The following RUNX2 variants were observed in gnomAD, a reference collection of about 807,000 sequenced individuals.
The protein encoded by RUNX2 is RUNX family transcription factor 2.
A neutral mutation model predicts 51.7 loss-of-function variants in RUNX2; 10 were observed. The ratio of observed to expected loss-of-function variants is 0.19; its 90% CI spans 0.12 to 0.33. RUNX2 has a LOEUF of 0.33. Among genes scored for constraint, RUNX2 ranks in the 10% least tolerant of loss-of-function variants. RUNX2 has a pLI of 1.00. For missense variants in RUNX2, 562 were observed against 691.3 expected (o/e 0.81, Z 2.10); for synonymous variants, 276 against 273.6 (o/e 1.01, Z -0.09).
intron 5 of RUNX2, among the ~76,000 whole-genome samples, chr6:45,472,634 G>A (rs1461563480): frequency 2.0e-5 from 3 of 152,198 alleles, no homozygotes; most frequent in Non-Finnish European, 4.4e-5. Flanking sequence ...TTAATACTGT[G>A]CTGGCTTGTA....
chr6:45,524,649 A>G (rs534185224), intron 7 of RUNX2, among the ~76,000 whole-genome samples: 2 of 152,380 alleles, frequency 1.3e-5, no homozygotes, highest in East Asian at 1.9e-4. Context: ...AAATCCGTAC[A>G]TAATTAAGAA....
intron 5 of RUNX2, among the ~76,000 whole-genome samples, chr6:45,465,829 G>A: frequency 6.7e-6 from 1 of 148,898 alleles, no homozygotes. Context: ...TATCTTTAGT[G>A]GAGACAGGGT....
At chr6:45,545,142 TTC>T in intron 7 of RUNX2, 73 bp from the exon 8 acceptor site, 1 of 1,256,356 alleles carries the variant, frequency 8.0e-7, no homozygotes, top group Non-Finnish European at 1.1e-6. Context: ...TTGCTTCTCC[TTC>T]TCTCTTGGAA....
chr6:45,442,775 A>T (rs1798877677), intron 5 of RUNX2, among the ~76,000 whole-genome samples: 1 of 152,152 alleles, frequency 6.6e-6, no homozygotes, highest in Admixed American at 6.5e-5. Flanking sequence ...TCTATCATGT[A>T]GCTGCAATCA....
intron 2 of RUNX2, among the ~76,000 whole-genome samples, chr6:45,332,218 A>C (rs111475192): frequency 6.6e-6 from 1 of 151,878 alleles, no homozygotes; most frequent in African/African-American, 2.4e-5. Flanking sequence ...TTTTCAACAA[A>C]TATTCATCTA....
intron 5 of RUNX2, among the ~76,000 whole-genome samples, chr6:45,454,519 A>T (rs1799265994): frequency 6.6e-6 from 1 of 152,218 alleles, no homozygotes; most frequent in South Asian, 2.1e-4. Flanking sequence ...TCTTAGCTGT[A>T]AACAAAAACT....
intron 5 of RUNX2, among the ~76,000 whole-genome samples, chr6:45,455,510 G>A (rs1799294658): frequency 6.6e-6 from 1 of 152,126 alleles, no homozygotes; most frequent in Admixed American, 6.5e-5. Context: ...GCTCTGTCCA[G>A]GGCTTTTGAG....
chr6:45,482,559 C>G (rs991335449), intron 5 of RUNX2, among the ~76,000 whole-genome samples: 1 of 152,198 alleles, frequency 6.6e-6, no homozygotes, highest in Non-Finnish European at 1.5e-5. Flanking sequence ...AAGGAGCAGG[C>G]CTTCACTTCT....
chr6:45,549,135 A>G lies in RUNX2; in HGVS notation c.*1830A>G. The G allele has an allele frequency of 2.5e-6, 1 of 398,572 alleles. No individual in the cohort carries two copies. The highest frequency in any genetic ancestry group is 4.4e-6 in the Non-Finnish European group (1 of 226,102). 24.7% of individuals were successfully genotyped at this position (398,572 alleles called of 1,614,324 possible). ...ACCACTCCTGGCAGTCACATGGCAGATTTCCAAGTGCAAATCCTTAATCCA... is the reference window on the plus strand; with the variant it reads ...ACCACTCCTGGCAGTCACATGGCAGGTTTCCAAGTGCAAATCCTTAATCCA... On this transcript the variant is annotated 3_prime_UTR_variant, in exon 9 of 9. Coordinates refer to ENST00000647337, the MANE Select transcript of RUNX2 (RefSeq NM_001024630.4).
rs553773566 is a variant in RUNX2 at position 45,379,445 on chromosome 6, A to G, written c.59-43148A>G. On this transcript the variant is annotated intron_variant, in intron 2 of 8. Coordinates refer to ENST00000647337, the MANE Select transcript of RUNX2 (RefSeq NM_001024630.4). Reference sequence around the variant, plus strand: ...GATCATTTCAATTAAAATTATGTTCAGTTAATGTTATCATAGAAGTTCCTG... The same window carrying G: ...GATCATTTCAATTAAAATTATGTTCGGTTAATGTTATCATAGAAGTTCCTG... 3.3e-4 allele frequency among the ~76,000 whole-genome samples: 51 copies of G among 152,348 alleles called. No homozygotes were observed. The South Asian group carries it at 5.4e-3, about 16-fold the overall frequency.
At chr6:45,348,369 T>C (rs912045755) in intron 2 of RUNX2, among the ~76,000 whole-genome samples, 2 of 151,762 alleles carry the variant, frequency 1.3e-5, no homozygotes, top group African/African-American at 2.4e-5. Context: ...ATTTTCTTAA[T>C]CTAAAATTTG....
At position 45,422,964 on chromosome 6, in the gene RUNX2, G is replaced by A. The variant is rs753743277; in HGVS notation, c.423+7G>A. ...CCTGCCCGTGGCCTTCAAGGTAAGA[G>A]GCTACACCGCCCCCCGCCCCCGGCC... On this transcript the variant is annotated splice_region_variant and intron_variant, in intron 3 of 8. Coordinates refer to ENST00000647337, the MANE Select transcript of RUNX2 (RefSeq NM_001024630.4). The A allele has an allele frequency of 2.5e-6, 4 of 1,609,044 alleles. No individual in the cohort carries two copies. Among genetic ancestry groups the A allele is most frequent in the African/African-American group, 1.3e-5 (1 of 74,874 alleles).
intron 2 of RUNX2, among the ~76,000 whole-genome samples, chr6:45,386,060 T>C (rs1215226569): frequency 6.6e-6 from 1 of 151,278 alleles, no homozygotes; most frequent in African/African-American, 2.4e-5. Context: ...CCCAGCAGCT[T>C]ATTAGTGCTT....
rs1165173153 is a variant in RUNX2 at position 45,340,753 on chromosome 6, T to TA, written c.58+11975dup. ...GTGATATAAAAATATAATTTAGGGGTAAAAAATTAAACACTTAAACACCAA... is the reference window on the plus strand; with the variant it reads ...GTGATATAAAAATATAATTTAGGGGTAAAAAAATTAAACACTTAAACACCAA... On this transcript the variant is annotated intron_variant, in intron 2 of 8. Coordinates refer to ENST00000647337, the MANE Select transcript of RUNX2 (RefSeq NM_001024630.4). Among the ~76,000 whole-genome samples, 3 of 152,014 alleles carry TA rather than the reference T, an allele frequency of 2.0e-5. No homozygotes were observed. In the East Asian group the frequency reaches 5.8e-4, roughly 29 times the overall value.
At chr6:45,402,059 G>A (rs1368560095) in intron 2 of RUNX2, among the ~76,000 whole-genome samples, 1 of 152,216 alleles carries the variant, frequency 6.6e-6, no homozygotes, top group Non-Finnish European at 1.5e-5. Context: ...CAAGGAAAGT[G>A]TTGGTTAATT....
chr6:45,330,117 C>CA (rs535852435), intron 2 of RUNX2, among the ~76,000 whole-genome samples: 133 of 149,964 alleles, frequency 8.9e-4, no homozygotes, highest in African/African-American at 2.2e-3. Context: ...TTGTATTTTA[C>CA]AAAAAAAAAT....
At position 45,547,987 on chromosome 6, in the gene RUNX2, C is replaced by A. The variant is rs1166097053; in HGVS notation, c.*682C>A. On this transcript the variant is annotated 3_prime_UTR_variant, in exon 9 of 9. Transcript: ENST00000647337. ...TTTATTTTACTTTTTAACACTCCTT[C>A]TCCCCTTTTCCCACTGAACCAAAAA... 2 of 150,680 alleles carry A rather than the reference C, an allele frequency of 1.3e-5. No individual in the cohort carries two copies. The highest frequency in any genetic ancestry group is 2.9e-5 in the Non-Finnish European group (2 of 67,836). 9.3% of individuals were successfully genotyped at this position (150,680 alleles called of 1,614,324 possible). A position where few individuals can be genotyped will look rare whatever the true frequency, so the allele number is the denominator to read the frequency against.
At chr6:45,477,087 C>A (rs1449505873) in intron 5 of RUNX2, among the ~76,000 whole-genome samples, 1 of 152,162 alleles carries the variant, frequency 6.6e-6, no homozygotes, top group Admixed American at 6.5e-5. Flanking sequence ...TTGCTAAGCT[C>A]CCCTGGGTCC....
At chr6:45,390,563 C>A (rs1401086676) in intron 2 of RUNX2, among the ~76,000 whole-genome samples, 2 of 152,098 alleles carry the variant, frequency 1.3e-5, no homozygotes, top group Non-Finnish European at 2.9e-5. Context: ...GTTGACATAA[C>A]TAGTCTTGAT....
Sources: allele counts gnomAD v4.1 joint callset (sites outside exome capture counted in the v4.1 genomes callset), GRCh38; gene constraint gnomAD v4.1.1; transcripts MANE v1.5; gene names NCBI Gene and HGNC (gene_info 2026-07-23, HGNC 2026-07-21).